Variants in ATOSA observed in about 807,000 individuals in gnomAD.
The protein encoded by ATOSA is atos homolog protein A.
At chr15:52,637,850 A>G in the ATOSA span, among the ~76,000 whole-genome samples, 1 of 152,306 alleles carries the variant, frequency 6.6e-6, no homozygotes, top group South Asian at 2.1e-4. Flanking sequence ...TTCCTATAAG[A>G]TGGAAGCTCT....
chr15:52,588,374 A>G, the ATOSA span, among the ~76,000 whole-genome samples: 1 of 152,210 alleles, frequency 6.6e-6, no homozygotes, highest in Non-Finnish European at 1.5e-5. Context: ...GTTTCTCAAT[A>G]ACCAGGATGA....
chr15:52,625,087 C>A, the ATOSA span, among the ~76,000 whole-genome samples: 3 of 152,044 alleles, frequency 2.0e-5, no homozygotes, highest in East Asian at 3.9e-4. Flanking sequence ...CCATGTGTAC[C>A]TGTTTTAAGT....
chr15:52,636,089 TA>T, the ATOSA span, among the ~76,000 whole-genome samples: 1 of 144,222 alleles, frequency 6.9e-6, no homozygotes, highest in Non-Finnish European at 1.5e-5. Flanking sequence ...ATTAAAATAA[TA>T]AAATTAAATA....
At chr15:52,617,163 G>A in the ATOSA span, among the ~76,000 whole-genome samples, 1 of 152,134 alleles carries the variant, frequency 6.6e-6, no homozygotes, top group East Asian at 1.9e-4. Context: ...GGTAATTATA[G>A]TTAAATGAGG....
chr15:52,707,842 T>C, the ATOSA span, among the ~76,000 whole-genome samples: 1 of 152,194 alleles, frequency 6.6e-6, no homozygotes, highest in Non-Finnish European at 1.5e-5. Context: ...TTAATAAAAG[T>C]ATGTTTGTAA....
chr15:52,649,368 AAG>A, the ATOSA span: 1 of 152,178 alleles, frequency 6.6e-6, no homozygotes, highest in South Asian at 2.1e-4. Context: ...GACTTAAAAA[AAG>A]ATTTTCACAG....
At chr15:52,634,728 A>G in the ATOSA span, among the ~76,000 whole-genome samples, 1 of 151,542 alleles carries the variant, frequency 6.6e-6, no homozygotes, top group African/African-American at 2.4e-5. Flanking sequence ...CAGCCTCCCG[A>G]GCACCTGGGA....
chr15:52,583,725 T>C, the ATOSA span, among the ~76,000 whole-genome samples: 3 of 152,148 alleles, frequency 2.0e-5, no homozygotes, highest in African/African-American at 7.2e-5. Context: ...AGTCTGTTTT[T>C]CATAGATTTT....
the ATOSA span, among the ~76,000 whole-genome samples, chr15:52,667,275 G>A: frequency 2.6e-5 from 4 of 152,178 alleles, no homozygotes; most frequent in Non-Finnish European, 5.9e-5. Context: ...CTATTTACAT[G>A]ATCTAATTTT....
At chr15:52,658,738 G>C in the ATOSA span, 4 of 314,312 alleles carry the variant, frequency 1.3e-5, no homozygotes, top group Non-Finnish European at 2.2e-5. Flanking sequence ...GCTGATACAG[G>C]AAGATTGCTT....
the ATOSA span, among the ~76,000 whole-genome samples, chr15:52,669,262 G>A: frequency 6.6e-6 from 1 of 151,820 alleles, no homozygotes; most frequent in African/African-American, 2.4e-5. Flanking sequence ...AGCAAAGTAG[G>A]GTAACTTAGA....
the ATOSA span, among the ~76,000 whole-genome samples, chr15:52,674,375 T>C: frequency 6.6e-6 from 1 of 152,152 alleles, no homozygotes; most frequent in Admixed American, 6.5e-5. Context: ...AGACTTCTCT[T>C]GAAACACCAG....
the ATOSA span, among the ~76,000 whole-genome samples, chr15:52,675,417 TTTACAGTTAG>T: frequency 6.7e-6 from 1 of 150,332 alleles, no homozygotes; most frequent in Non-Finnish European, 1.5e-5. Flanking sequence ...ACCTTAAACT[TTTACAGTTAG>T]CCAACCAACT....
At chr15:52,675,469 T>C in the ATOSA span, among the ~76,000 whole-genome samples, 2 of 152,244 alleles carry the variant, frequency 1.3e-5, no homozygotes, top group South Asian at 2.1e-4. Context: ...TAAGAGGCTA[T>C]TGTATTTATT....
At chr15:52,606,879 T>A in the ATOSA span, among the ~76,000 whole-genome samples, 8 of 152,256 alleles carry the variant, frequency 5.3e-5, no homozygotes, top group South Asian at 1.7e-3. Flanking sequence ...TAGACTTGGA[T>A]CAAGGTACTT....
the ATOSA span, among the ~76,000 whole-genome samples, chr15:52,633,640 G>T: frequency 6.6e-6 from 1 of 151,984 alleles, no homozygotes; most frequent in Non-Finnish European, 1.5e-5. Flanking sequence ...CCATCAATTA[G>T]ATTTAAAAAA....
the ATOSA span, among the ~76,000 whole-genome samples, chr15:52,708,549 T>C: frequency 6.6e-6 from 1 of 152,186 alleles, no homozygotes; most frequent in Non-Finnish European, 1.5e-5. Flanking sequence ...TTGCCTTGTT[T>C]TTCAATCTGA....
chr15:52,620,721 G>A, the ATOSA span, among the ~76,000 whole-genome samples: 2 of 152,038 alleles, frequency 1.3e-5, no homozygotes, highest in African/African-American at 4.8e-5. Flanking sequence ...GGCTGAGGCA[G>A]GCTGATTGCT....
At chr15:52,589,003 G>A in the ATOSA span, among the ~76,000 whole-genome samples, 1 of 152,214 alleles carries the variant, frequency 6.6e-6, no homozygotes, top group Non-Finnish European at 1.5e-5. Flanking sequence ...AGGTAAAAGG[G>A]AAAGCCACAT....
Sources: gnomAD v4.1 joint callset for allele counts (sites outside exome capture counted in the v4.1 genomes callset) on GRCh38, gnomAD v4.1.1 for gene constraint, MANE v1.5 for transcripts, NCBI Gene and HGNC (gene_info 2026-07-23, HGNC 2026-07-21) for gene names.